Variants in TTLL9 observed in about 807,000 individuals in gnomAD.
TTLL9 encodes the protein probable tubulin polyglutamylase TTLL9.
TTLL9 carries 47 observed loss-of-function variants against 65.6 expected under a neutral mutation model. The observed-to-expected ratio is 0.72, with a 90% CI of 0.57 to 0.91. The LOEUF (loss-of-function observed/expected upper bound fraction) is 0.91. TTLL9 is among the 40% of genes least tolerant of loss of function. TTLL9 has a pLI of 0.00. For missense variants in TTLL9, 537 were observed against 568.8 expected, an observed-to-expected ratio of 0.94 and a Z score of 0.57; for synonymous variants, 179 against 204.8, an observed-to-expected ratio of 0.87 and a Z score of 1.07.
intron 10 of TTLL9, among the ~76,000 whole-genome samples, chr20:31,928,340 A>G (rs908350748): frequency 1.7e-4 from 26 of 152,130 alleles, no homozygotes; most frequent in African/African-American, 6.0e-4. Context: ...ATAATTTTCT[A>G]TAAATAGAAA....
At chr20:31,909,970 T>C in intron 6 of TTLL9, 48 bp downstream of exon 6, 4 of 1,564,420 alleles carry the variant, frequency 2.6e-6, no homozygotes, top group Non-Finnish European at 3.5e-6. Context: ...GAGTCCCAGG[T>C]GCCATAGCAG....
At chr20:31,879,789 G>A in intron 2 of TTLL9, 1 of 1,543,868 alleles carries the variant, frequency 6.5e-7, no homozygotes, top group Non-Finnish European at 8.7e-7. Context: ...CAGAGCGGCG[G>A]ATCCAGGCGC....
rs966143022 is a variant in TTLL9, at chr20:31,943,951, G to A, written c.*930G>A. 4.7e-5 allele frequency: 19 copies of A among 405,590 alleles called. No individual in the cohort carries two copies. The highest frequency in any genetic ancestry group is 1.1e-4 in the South Asian group (6 of 55,766). 25.1% of individuals were successfully genotyped at this position (405,590 alleles called of 1,614,324 possible). ...CTGTTGGGGTAACTGTTCCAGGGGGGACTTACTCCCTCTACCACTCCGCCT... is the reference window on the plus strand; with the variant it reads ...CTGTTGGGGTAACTGTTCCAGGGGGAACTTACTCCCTCTACCACTCCGCCT... On this transcript the variant is annotated 3_prime_UTR_variant, in exon 15 of 15. Transcript: ENST00000535842.
intron 6 of TTLL9, among the ~76,000 whole-genome samples, chr20:31,912,597 ATGTGTATGTGTGTGTGTGTGTGTG>A (rs949045349): frequency 9.7e-6 from 1 of 102,586 alleles, no homozygotes; most frequent in Non-Finnish European, 2.0e-5. Flanking sequence ...GTGTGCGTGT[ATGTGTATGTGTGTGTGTGTGTGTG>A]TGTGTGTGTG....
intron 6 of TTLL9, among the ~76,000 whole-genome samples, chr20:31,914,135 C>T (rs2063697724): frequency 1.3e-5 from 2 of 152,226 alleles, no homozygotes; most frequent in Non-Finnish European, 2.9e-5. Flanking sequence ...GCAGGAAGAG[C>T]CACATTTTAA....
chr20:31,891,646 A>G (rs930058968), intron 3 of TTLL9, among the ~76,000 whole-genome samples: 3 of 148,308 alleles, frequency 2.0e-5, no homozygotes, highest in African/African-American at 7.4e-5. Flanking sequence ...AGCCTATTTG[A>G]TATTTTAAAT....
At chr20:31,906,033 C>CAAAA (rs892374670) in intron 4 of TTLL9, among the ~76,000 whole-genome samples, 8 of 47,686 alleles carry the variant, frequency 1.7e-4, no homozygotes, top group African/African-American at 4.8e-4. Flanking sequence ...AATTTCATCT[C>CAAAA]AAAAAAAAAA....
intron 6 of TTLL9, among the ~76,000 whole-genome samples, chr20:31,911,831 C>CGTGTGTGTGT (rs55996863): frequency 2.2e-4 from 31 of 142,324 alleles, no homozygotes; most frequent in Middle Eastern, 3.5e-3. Context: ...TGTGTCTGTG[C>CGTGTGTGTGT]GTGTGTGTGT....
At position 31,887,070 on chromosome 20, in the gene TTLL9, G is replaced by A. The variant is rs182849842; in HGVS notation, c.70-126G>A. ...GGGAACTTGATCAGGCTGGACCTTCGTGTCTCAGAACCTAGGCATTGTTGA... is the reference window on the plus strand; with the variant it reads ...GGGAACTTGATCAGGCTGGACCTTCATGTCTCAGAACCTAGGCATTGTTGA... On this transcript the variant is annotated intron_variant, in intron 2 of 14. Coordinates refer to ENST00000535842, the MANE Select transcript of TTLL9 (RefSeq NM_001008409.5). The A allele has an allele frequency of 2.5e-4, 227 of 918,646 alleles. No individual in the cohort carries two copies. The African/African-American group carries it at 2.9e-3, about 12-fold the overall frequency. The allele number at this position is 918,646 out of a possible 1,614,324, so 56.9% of individuals were successfully genotyped here.
intron 10 of TTLL9, among the ~76,000 whole-genome samples, chr20:31,928,104 G>A (rs186605976): frequency 6.6e-6 from 1 of 151,052 alleles, no homozygotes; most frequent in East Asian, 1.9e-4. Flanking sequence ...TAGAACAGTG[G>A]CTGGCCCAGA....
In TTLL9 at chr20:31,928,421, C is replaced by T. The variant is rs563660078; in HGVS notation, c.748+2330C>T. Reference sequence around the variant, plus strand: ...TAACAGATTAATATTTTACCACATTCGCATCAGATATTACATACTAACTTT... The same window carrying T: ...TAACAGATTAATATTTTACCACATTTGCATCAGATATTACATACTAACTTT... On this transcript the variant is annotated intron_variant, in intron 10 of 14. Transcript: ENST00000535842. 2.9e-4 allele frequency among the ~76,000 whole-genome samples: 44 copies of T among 152,046 alleles called. No homozygotes were observed. The Middle Eastern group carries it at 0.01, about 35-fold the overall frequency.
chr20:31,871,013 C>T (rs2062918891), intron 1 of TTLL9, 64 bp downstream of exon 1: 9 of 1,044,532 alleles, frequency 8.6e-6, no homozygotes, highest in Admixed American at 6.8e-5. Context: ...ACCAGCCTTC[C>T]TCCTTTCCCA....
At chr20:31,911,223 A>C (rs2063640684) in intron 6 of TTLL9, among the ~76,000 whole-genome samples, 1 of 152,156 alleles carries the variant, frequency 6.6e-6, no homozygotes, top group African/African-American at 2.4e-5. Flanking sequence ...TGAGGACAAC[A>C]GCGCACCTAC....
At chr20:31,902,294 A>C (rs2063490744) in intron 4 of TTLL9, among the ~76,000 whole-genome samples, 2 of 152,178 alleles carry the variant, frequency 1.3e-5, no homozygotes, top group South Asian at 4.1e-4. Context: ...GGAATTATAC[A>C]ATATGTAACC....
At chr20:31,928,977 G>A (rs1216102061) in intron 10 of TTLL9, among the ~76,000 whole-genome samples, 1 of 152,212 alleles carries the variant, frequency 6.6e-6, no homozygotes, top group Non-Finnish European at 1.5e-5. Context: ...CTGGGCTCAA[G>A]TGATCCTCCC....
At chr20:31,932,104 C>T (rs1169796391) in intron 10 of TTLL9, among the ~76,000 whole-genome samples, 1 of 152,054 alleles carries the variant, frequency 6.6e-6, no homozygotes, top group Non-Finnish European at 1.5e-5. Flanking sequence ...TTTGGCAGGC[C>T]AAGGCAGGTG....
intron 14 of TTLL9, among the ~76,000 whole-genome samples, chr20:31,941,567 A>AT (rs147485348): frequency 0.22 from 33,138 of 149,920 alleles, 4,404 homozygotes; most frequent in Admixed American, 0.29. Flanking sequence ...TTTTTTTATT[A>AT]TTTTTTTTTG....
intron 6 of TTLL9, among the ~76,000 whole-genome samples, chr20:31,913,145 T>TG (rs1252138009): frequency 6.6e-6 from 1 of 151,668 alleles, no homozygotes; most frequent in African/African-American, 2.4e-5. Flanking sequence ...GGTGACAGAG[T>TG]GAGACCCTAT....
At chr20:31,909,673 G>A in intron 5 of TTLL9, 64 bp from the exon 6 acceptor site, 1 of 1,513,336 alleles carries the variant, frequency 6.6e-7, no homozygotes, top group Non-Finnish European at 9.0e-7. Flanking sequence ...TGGATGTGTG[G>A]GGCTGGGAGG....
Sources: gnomAD v4.1 joint callset for allele counts (sites outside exome capture counted in the v4.1 genomes callset) on GRCh38, gnomAD v4.1.1 for gene constraint, MANE v1.5 for transcripts, NCBI Gene and HGNC (gene_info 2026-07-23, HGNC 2026-07-21) for gene names.